The following ZC4H2 variants were observed in gnomAD, a reference collection of about 807,000 sequenced individuals.
ZC4H2 encodes the protein zinc finger C4H2-type containing, also known as zinc finger C4H2 domain-containing protein.
For synonymous variants in ZC4H2, 84 were observed against 66.3 expected (o/e 1.27, Z -1.30); for missense variants, 137 against 173.9 (o/e 0.79, Z 1.19).
intron 1 of ZC4H2, among the ~76,000 whole-genome samples, chrX:64,938,902 A>C (rs1232456852): frequency 8.9e-6 from 1 of 112,166 alleles, no homozygotes; most frequent in Non-Finnish European, 1.9e-5. Context: ...CTCTCTCACC[A>C]CTTCTATTCC....
chrX:64,992,715 C>T (rs1032965119), intron 1 of ZC4H2, among the ~76,000 whole-genome samples: 5 of 111,316 alleles, frequency 4.5e-5, no homozygotes, highest in South Asian at 7.6e-4. Context: ...TGGTTGATAC[C>T]GCCAAGTTCC....
chrX:64,978,747 T>A (rs73213312), upstream of ZC4H2, among the ~76,000 whole-genome samples: 13,726 of 109,536 alleles, frequency 0.13, 880 homozygotes, highest in Non-Finnish European at 0.19. Context: ...AAAAAAAAAA[T>A]ATATATATAT....
At chrX:65,019,588 C>G (rs1462119374) in intron 1 of ZC4H2, among the ~76,000 whole-genome samples, 1 of 112,173 alleles carries the variant, frequency 8.9e-6, no homozygotes, top group Admixed American at 9.4e-5. Context: ...GAGACCAGTG[C>G]AAAAAGGCTA....
chrX:64,987,233 A>G (rs1046210364), intron 1 of ZC4H2, among the ~76,000 whole-genome samples: 3 of 111,349 alleles, frequency 2.7e-5, no homozygotes, highest in Non-Finnish European at 5.7e-5. Flanking sequence ...TGGCCGACAC[A>G]GACAAGATAG....
intron 1 of ZC4H2, among the ~76,000 whole-genome samples, chrX:64,951,267 G>A (rs1280810348): frequency 8.9e-6 from 1 of 112,087 alleles, no homozygotes; most frequent in Non-Finnish European, 1.9e-5. Flanking sequence ...ACAAACATAC[G>A]TGTGCATGTG....
At position 64,975,384 on chromosome X, in the gene ZC4H2, A is replaced by C. The variant is rs977560710; in HGVS notation, c.53+941T>G. ...TCCAGCACTCTAAGGGTTAAATCTC[A>C]TGATCAAAGTCTTATTTCTTAAAGA... On this transcript the variant is annotated intron_variant, in intron 1 of 4. Coordinates refer to ENST00000374839, the MANE Select transcript of ZC4H2 (RefSeq NM_018684.4). Among the ~76,000 whole-genome samples, 4 of 111,746 alleles carry C rather than the reference A, an allele frequency of 3.6e-5. No homozygotes were observed. In the East Asian group the frequency reaches 8.5e-4, roughly 24 times the overall value.
intron 1 of ZC4H2, among the ~76,000 whole-genome samples, chrX:64,971,915 G>A (rs1035288841): frequency 3.6e-5 from 4 of 111,376 alleles, no homozygotes; most frequent in Non-Finnish European, 5.7e-5. Flanking sequence ...GTGAGTGTAC[G>A]CAATACACAT....
chrX:65,024,188 C>T (rs890205601), intron 1 of ZC4H2, among the ~76,000 whole-genome samples: 2 of 110,136 alleles, frequency 1.8e-5, no homozygotes, highest in Non-Finnish European at 3.8e-5. Context: ...CAGCAAACCA[C>T]CAGGGCATGT....
rs1243764824 is a variant in ZC4H2, at chrX:64,995,119, A to G, written c.-272+39510T>C. Among the ~76,000 whole-genome samples the G allele has an allele frequency of 1.6e-4, 18 of 109,511 alleles. No homozygotes were observed. In the East Asian group the frequency reaches 4.0e-3, roughly 24 times the overall value. ...CAGAATCCCCTTGTCATTAAAAAAA[A>G]AAAAAAAAGGATTTTCTAGGTAATA... On this transcript the variant is annotated intron_variant, in intron 1 of 4. Coordinates refer to the ZC4H2 transcript ENST00000337990.
intron 1 of ZC4H2, among the ~76,000 whole-genome samples, chrX:65,034,221 A>G (rs996233986): frequency 9.0e-6 from 1 of 111,717 alleles, no homozygotes; most frequent in Admixed American, 9.5e-5. Flanking sequence ...TTTTCATTTG[A>G]TCACTGGTAG....
intron 1 of ZC4H2, among the ~76,000 whole-genome samples, chrX:65,024,709 C>T (rs1415366660): frequency 8.9e-6 from 1 of 112,130 alleles, no homozygotes; most frequent in Admixed American, 9.5e-5. Context: ...GAATACTACA[C>T]AGCTATAAAA....
At chrX:64,938,391 T>TTCCAAA (rs1265080397) in intron 1 of ZC4H2, among the ~76,000 whole-genome samples, 1 of 111,888 alleles carries the variant, frequency 8.9e-6, no homozygotes, top group African/African-American at 3.3e-5. Flanking sequence ...TCTGAAACTA[T>TTCCAAA]TCCAAACAAC....
At chrX:64,974,558 G>A (rs1235982887) in intron 1 of ZC4H2, among the ~76,000 whole-genome samples, 1 of 111,829 alleles carries the variant, frequency 8.9e-6, no homozygotes, top group African/African-American at 3.3e-5. Context: ...TCTCTTGGAT[G>A]GAAGAGGGAC....
chrX:64,995,354 G>A (rs971501296), intron 1 of ZC4H2, among the ~76,000 whole-genome samples: 1 of 111,646 alleles, frequency 9.0e-6, no homozygotes, highest in African/African-American at 3.3e-5. Flanking sequence ...TGCCTCTCAA[G>A]CTTAGCAGTG....
intron 1 of ZC4H2, among the ~76,000 whole-genome samples, chrX:64,950,127 G>C (rs1158637165): frequency 1.8e-5 from 2 of 111,876 alleles, no homozygotes; most frequent in African/African-American, 6.5e-5. Flanking sequence ...TTCAGGAGCA[G>C]GTTGTTCAGT....
At chrX:64,997,252 T>C (rs1195593513) in intron 1 of ZC4H2, among the ~76,000 whole-genome samples, 2 of 112,183 alleles carry the variant, frequency 1.8e-5, no homozygotes, top group Non-Finnish European at 3.8e-5. Context: ...GACAAAACTA[T>C]ACTTTAAGGA....
At chrX:65,024,564 A>AAAC (rs1569233460) in intron 1 of ZC4H2, among the ~76,000 whole-genome samples, 4 of 112,039 alleles carry the variant, frequency 3.6e-5, no homozygotes, top group Non-Finnish European at 5.6e-5. Context: ...TTATATGAAA[A>AAAC]AAACAAACAA....
chrX:64,921,831 C>T lies in ZC4H2; in HGVS notation c.211G>A (p.Ala71Thr). ...CAGCCACGTACCACATTGATGTCAGCGTGGATCAGTCGGAGTTCCTCCACA... is the reference window on the plus strand; with the variant it reads ...CAGCCACGTACCACATTGATGTCAGTGTGGATCAGTCGGAGTTCCTCCACA... ...AHVEELRLIH[A>T]DINVMENTIK... The change falls in exon 2 of 5, where the codon GCT (alanine) becomes ACT (threonine). Residue 71 changes from alanine to threonine, a missense_variant. Transcript: ENST00000374839. 1 of 1,210,064 alleles carries T rather than the reference C, an allele frequency of 8.3e-7. No individual in the cohort carries two copies. Among genetic ancestry groups the T allele is most frequent in the Non-Finnish European group, 1.1e-6 (1 of 894,989 alleles).
At chrX:65,016,508 G>A (rs1397563145) in intron 1 of ZC4H2, among the ~76,000 whole-genome samples, 1 of 111,935 alleles carries the variant, frequency 8.9e-6, no homozygotes, top group Non-Finnish European at 1.9e-5. Context: ...GATGAGAGCA[G>A]ACTTTTTAGA....
Sources: allele counts gnomAD v4.1 joint callset (sites outside exome capture counted in the v4.1 genomes callset), GRCh38; gene constraint gnomAD v4.1.1; transcripts MANE v1.5; gene names NCBI Gene and HGNC (gene_info 2026-07-23, HGNC 2026-07-21).